Variants in WDFY3 observed in about 807,000 individuals in gnomAD.
The protein encoded by WDFY3 is WD repeat and FYVE domain containing 3, also known as WD repeat and FYVE domain-containing protein 3.
In WDFY3, 66 loss-of-function variants were observed where a neutral mutation model predicts 409.6. That is an observed-to-expected ratio of 0.16 (90% CI 0.13 to 0.20). The LOEUF (loss-of-function observed/expected upper bound fraction) is 0.20. Among genes scored for constraint, WDFY3 ranks in the 10% least tolerant of loss-of-function variants. WDFY3 has a pLI of 1.00. For synonymous variants in WDFY3, 1,521 were observed against 1,537.1 expected, an observed-to-expected ratio of 0.99 and a Z score of 0.25; for missense variants, 3,031 against 4,298.1, an observed-to-expected ratio of 0.71 and a Z score of 8.24.
chr4:84,708,802 A>T, intron 53 of WDFY3, 107 bp downstream of exon 53: 2 of 1,276,782 alleles, frequency 1.6e-6, no homozygotes, highest in Non-Finnish European at 2.2e-6. Context: ...TAGCCTCCCA[A>T]AGTGCTAGGA....
At chr4:84,965,875 T>TATC (rs1246635811) in intron 1 of WDFY3, 1 of 152,200 alleles carries the variant, frequency 6.6e-6, no homozygotes, top group Non-Finnish European at 1.5e-5. Context: ...TCCAGCCCTC[T>TATC]CCTCCCCTAT....
At chr4:84,927,279 T>C (rs983273210) in intron 2 of WDFY3, among the ~76,000 whole-genome samples, 4 of 152,086 alleles carry the variant, frequency 2.6e-5, no homozygotes, top group African/African-American at 9.7e-5. Context: ...GAGATATTCT[T>C]AGACTAAATT....
rs879396600 is a variant in WDFY3, at chr4:84,965,956, G to A, written c.-226+253C>T. On this transcript the variant is annotated intron_variant, in intron 1 of 67. Transcript: ENST00000295888. ...ACCCCGACCCCGACCCGTCCGCGACGGCGCCCTCCCCAGGAGGCAGCGGAG... is the reference window on the plus strand; with the variant it reads ...ACCCCGACCCCGACCCGTCCGCGACAGCGCCCTCCCCAGGAGGCAGCGGAG... 2.5e-4 allele frequency: 38 copies of A among 152,518 alleles called. 1 individual carries two copies. Among genetic ancestry groups the A allele is most frequent in the Non-Finnish European group, 4.7e-4 (32 of 68,264 alleles). 9.4% of individuals were successfully genotyped at this position (152,518 alleles called of 1,614,324 possible). A position where few individuals can be genotyped will look rare whatever the true frequency, so the allele number is the denominator to read the frequency against.
At chr4:84,807,702 G>T (rs752753378) in intron 15 of WDFY3, among the ~76,000 whole-genome samples, 26 of 152,130 alleles carry the variant, frequency 1.7e-4, no homozygotes, top group Non-Finnish European at 3.4e-4. Context: ...AAACTGAGTA[G>T]AATTTTTTTA....
At chr4:84,876,191 G>A (rs544146357) in intron 3 of WDFY3, among the ~76,000 whole-genome samples, 1 of 152,246 alleles carries the variant, frequency 6.6e-6, no homozygotes, top group South Asian at 2.1e-4. Context: ...GACATCACTA[G>A]GTGACAAGAA....
intron 10 of WDFY3, among the ~76,000 whole-genome samples, chr4:84,822,761 T>C (rs1754268486): frequency 6.6e-6 from 1 of 152,104 alleles, no homozygotes; most frequent in Non-Finnish European, 1.5e-5. Context: ...AATCTTGACT[T>C]CGACATTTCT....
intron 35 of WDFY3, among the ~76,000 whole-genome samples, chr4:84,752,777 T>C (rs983375366): frequency 3.3e-5 from 5 of 152,128 alleles, no homozygotes; most frequent in African/African-American, 9.7e-5. Flanking sequence ...GGTGGAAATA[T>C]GAAGAAACAT....
chr4:84,773,035 CTTTT>C, intron 29 of WDFY3, 106 bp from the exon 30 acceptor site: 1 of 590,884 alleles, frequency 1.7e-6, no homozygotes, highest in Non-Finnish European at 2.6e-6. Flanking sequence ...CAAAACAGTA[CTTTT>C]TTTTTTTTTC....
chr4:84,940,241 G>A (rs150880654), intron 1 of WDFY3, among the ~76,000 whole-genome samples: 482 of 152,082 alleles, frequency 3.2e-3, no homozygotes, highest in African/African-American at 0.011. Flanking sequence ...CCTGCAACCC[G>A]TCTCTTTCAA....
At chr4:84,797,703 C>T (rs71597387) in intron 18 of WDFY3, among the ~76,000 whole-genome samples, 2 of 151,934 alleles carry the variant, frequency 1.3e-5, no homozygotes, top group African/African-American at 4.8e-5. Flanking sequence ...GCCTCAGCCT[C>T]CCGAGTAGCT....
intron 3 of WDFY3, among the ~76,000 whole-genome samples, chr4:84,883,057 A>G (rs1307354586): frequency 6.6e-6 from 1 of 152,148 alleles, no homozygotes; most frequent in Admixed American, 6.5e-5. Context: ...ATAAAAGTGT[A>G]TTTATATTCT....
chr4:84,842,581 C>A (rs890599912), intron 5 of WDFY3, among the ~76,000 whole-genome samples: 1 of 151,732 alleles, frequency 6.6e-6, no homozygotes, highest in African/African-American at 2.4e-5. Context: ...AGATCGAGGC[C>A]ATCTTGGCCA....
intron 2 of WDFY3, among the ~76,000 whole-genome samples, chr4:84,930,402 G>A (rs1395409246): frequency 1.3e-5 from 2 of 152,050 alleles, no homozygotes; most frequent in African/African-American, 4.8e-5. Flanking sequence ...TGATGTGCCA[G>A]GAACACATAC....
chr4:84,685,708 T>C (rs1329348610), intron 62 of WDFY3, among the ~76,000 whole-genome samples: 1 of 152,170 alleles, frequency 6.6e-6, no homozygotes, highest in Non-Finnish European at 1.5e-5. Flanking sequence ...TGATATTGGT[T>C]GGAGAAACAC....
At chr4:84,762,347 G>C (rs1377660725) in intron 32 of WDFY3, among the ~76,000 whole-genome samples, 1 of 151,476 alleles carries the variant, frequency 6.6e-6, no homozygotes, top group African/African-American at 2.4e-5. Flanking sequence ...ATCATTCTCA[G>C]TAAACTATCG....
At chr4:84,876,194 G>C (rs1411827598) in intron 3 of WDFY3, among the ~76,000 whole-genome samples, 1 of 152,156 alleles carries the variant, frequency 6.6e-6, no homozygotes, top group Non-Finnish European at 1.5e-5. Context: ...ATCACTAGGT[G>C]ACAAGAATTT....
intron 46 of WDFY3, among the ~76,000 whole-genome samples, chr4:84,723,837 G>C (rs1032428220): frequency 1.3e-5 from 2 of 152,154 alleles, no homozygotes; most frequent in South Asian, 4.1e-4. Context: ...TGGAGAAGCT[G>C]TAGAAAAGAA....
At chr4:84,849,770 G>A (rs1758626896) in intron 5 of WDFY3, 132 bp downstream of exon 5, 8 of 1,267,492 alleles carry the variant, frequency 6.3e-6, no homozygotes, top group Admixed American at 2.5e-5. Flanking sequence ...CTCTAAGAAA[G>A]GGAAAGGGAA....
chr4:84,677,371 C>T lies in WDFY3; in HGVS notation c.10285G>A (p.Asp3429Asn). 6.2e-7 allele frequency: 1 copy of T among 1,613,396 alleles called. No individual in the cohort carries two copies. Among genetic ancestry groups the T allele is most frequent in the Non-Finnish European group, 8.5e-7 (1 of 1,179,604 alleles). Residue 3429 changes from aspartate (D) to asparagine (N), a missense_variant, in exon 67 of 68, where the codon GAC becomes AAC. By Grantham distance (23) the Asp-to-Asn change is conservative. Transcript: ENST00000295888. ...CAGCTGAAAACTCGGCCTCGACTGT[C>T]ACCAACGAGGATCCTACTGTGATCC... ...SKDHSRILVGDSRGRVFSWSV... is the reference protein window; with the variant it reads ...SKDHSRILVGNSRGRVFSWSV...
Sources: gnomAD v4.1 joint callset for allele counts (sites outside exome capture counted in the v4.1 genomes callset) on GRCh38, gnomAD v4.1.1 for gene constraint, MANE v1.5 for transcripts, NCBI Gene and HGNC (gene_info 2026-07-23, HGNC 2026-07-21) for gene names.